Variants in ASCL2 observed in about 807,000 individuals in gnomAD.
The protein encoded by ASCL2 is achaete-scute homolog 2.
A neutral mutation model predicts 5.1 loss-of-function variants in ASCL2; 6 were observed. The ratio of observed to expected loss-of-function variants is 1.17; its 90% CI spans 0.64 to 2.31. The LOEUF is 2.31. Among genes scored for constraint, ASCL2 ranks in the 30% most tolerant of loss-of-function variants. The pLI is 0.00. For synonymous variants in ASCL2, 174 were observed against 157.3 expected (o/e 1.11, Z -0.80); for missense variants, 320 against 310.3 (o/e 1.03, Z -0.23).
In ASCL2 at chr11:2,270,278, C is replaced by T. The variant is rs1847234628; in HGVS notation, c.55G>A (p.Gly19Ser). 1 of 1,352,810 alleles carries T rather than the reference C, an allele frequency of 7.4e-7. No homozygotes were observed. The highest frequency in any genetic ancestry group is 9.4e-7 in the Non-Finnish European group (1 of 1,060,648). 83.8% of individuals were successfully genotyped at this position (1,352,810 alleles called of 1,614,324 possible). Reference sequence around the variant, plus strand: ...GCGGGTCTCCGCCGGGCAGCGCAGCCGACAGGGACGGGGGGCGCAGGGGGC... The same window carrying T: ...GCGGGTCTCCGCCGGGCAGCGCAGCTGACAGGGACGGGGGGCGCAGGGGGC... ...SAPPAPPVPV[G>S]CAARRRPASP... The change falls in exon 1 of 2, where the codon GGC becomes AGC. Residue 19 changes from glycine to serine, a missense_variant. Coordinates refer to ENST00000331289, the MANE Select transcript of ASCL2 (RefSeq NM_005170.3).
Position 2,270,009 on chromosome 11 carries a change from C to A in ASCL2, c.324G>T (p.Glu108Asp). The A allele has an allele frequency of 7.3e-7, 1 of 1,372,560 alleles. No homozygotes were observed. 85.0% of individuals were successfully genotyped at this position (1,372,560 alleles called of 1,614,324 possible). The change falls in exon 1 of 2, where the codon GAG (glutamate) becomes GAT (aspartate). Residue 108 changes from glutamate to aspartate, a missense_variant. Glu to Asp is a conservative substitution (Grantham distance 45). Transcript: ENST00000331289. ...CCAGCGCGTTGCGCACGGCGTCGTG[C>A]TCGGCCAGCAGGCGCTGCAGCGCGC... Reference protein sequence around the residue: ...YIRALQRLLAEHDAVRNALAG... With the variant: ...YIRALQRLLADHDAVRNALAG...
Position 2,270,220 on chromosome 11 carries a change from C to T in ASCL2, c.113G>A (p.Arg38Gln). ...TCCGGTCTCTGCGGTGGCCGGTCGC[C>T]GCCGCCGGCTGCAGCGCAACAGTTC... ...SPELLRCSRR[R>Q]RPATAETGGG... is the part of the protein sequence containing the mutation. The change falls in exon 1 of 2, where the codon CGG (arginine) becomes CAG (glutamine). Residue 38 changes from arginine (R) to glutamine (Q), a missense_variant. Coordinates refer to ENST00000331289, the MANE Select transcript of ASCL2 (RefSeq NM_005170.3). 1 of 1,452,544 alleles carries T rather than the reference C, an allele frequency of 6.9e-7. No individual in the cohort carries two copies. The highest frequency in any genetic ancestry group is 9.0e-7 in the Non-Finnish European group (1 of 1,109,492). The allele number at this position is 1,452,544 out of a possible 1,614,324, so 90.0% of individuals were successfully genotyped here. A position where few individuals can be genotyped will look rare whatever the true frequency, so the allele number is the denominator to read the frequency against.
At chr11:2,269,617 C>T (rs1332905967) in intron 1 of ASCL2, 116 bp downstream of exon 1, 3 of 950,402 alleles carry the variant, frequency 3.2e-6, no homozygotes, top group Non-Finnish European at 4.2e-6. Flanking sequence ...GAAGCCATCG[C>T]TCGGGCCTGG....
chr11:2,269,273 G>C (rs1054173596), intron 1 of ASCL2, 147 bp from the exon 2 acceptor site: 2 of 152,646 alleles, frequency 1.3e-5, no homozygotes, highest in African/African-American at 4.8e-5. Flanking sequence ...TTGAGTCCGT[G>C]GGTGCCGCGA....
intron 1 of ASCL2, 53 bp downstream of exon 1, chr11:2,269,680 G>GGGCCCC: frequency 1.3e-5 from 5 of 380,048 alleles, no homozygotes; most frequent in Non-Finnish European, 2.1e-5. Context: ...TGCCCACCCC[G>GGGCCCC]TCCCTCCACC....
In ASCL2 at chr11:2,270,012, G is replaced by A. The variant is rs1048384715; in HGVS notation, c.321C>T (p.Ala107=). 1.6e-4 allele frequency: 218 copies of A among 1,376,964 alleles called. No individual in the cohort carries two copies. The highest frequency in any genetic ancestry group is 2.0e-4 in the Non-Finnish European group (212 of 1,063,132). 85.3% of individuals were successfully genotyped at this position (1,376,964 alleles called of 1,614,324 possible). Residue 107 remains alanine, a synonymous_variant, in exon 1 of 2, where the codon GCC becomes GCT. Coordinates refer to ENST00000331289, the MANE Select transcript of ASCL2 (RefSeq NM_005170.3). ...GCGCGTTGCGCACGGCGTCGTGCTC[G>A]GCCAGCAGGCGCTGCAGCGCGCGGA... ...EYIRALQRLL[A]EHDAVRNALA...
Position 2,269,883 on chromosome 11 carries a change from C to G in ASCL2, c.450G>C (p.Pro150=). The change falls in exon 1 of 2, where the codon CCG becomes CCC. Residue 150 remains proline, a synonymous_variant. Transcript: ENST00000331289. ...AASPSRASSS[P]GRGGSSEPGS... ...CGGGCTCCGAGCTGCCCCCGCGGCCCGGGGACGAAGAAGCGCGGGAGGGCG... is the reference window on the plus strand; with the variant it reads ...CGGGCTCCGAGCTGCCCCCGCGGCCGGGGGACGAAGAAGCGCGGGAGGGCG... The G allele has an allele frequency of 7.5e-7, 1 of 1,325,660 alleles. No homozygotes were observed. Among genetic ancestry groups the G allele is most frequent in the Non-Finnish European group, 9.7e-7 (1 of 1,032,266 alleles). 82.1% of individuals were successfully genotyped at this position (1,325,660 alleles called of 1,614,324 possible). A position where few individuals can be genotyped will look rare whatever the true frequency, so the allele number is the denominator to read the frequency against.
Position 2,269,806 on chromosome 11 carries a change from A to T in ASCL2, c.527T>A (p.Leu176Gln). 1 of 1,434,528 alleles carries T rather than the reference A, an allele frequency of 7.0e-7. No individual in the cohort carries two copies. The highest frequency in any genetic ancestry group is 9.2e-7 in the Non-Finnish European group (1 of 1,087,430). The allele number at this position is 1,434,528 out of a possible 1,614,324, so 88.9% of individuals were successfully genotyped here. ...SSDDSGCEGA[L>Q]SPAERELLDF... Reference sequence around the variant, plus strand: ...GAGTAGCTCGCGCTCCGCAGGACTCAGCGCGCCTTCGCAGCCGCTGTCGTC... The same window carrying T: ...GAGTAGCTCGCGCTCCGCAGGACTCTGCGCGCCTTCGCAGCCGCTGTCGTC... The change falls in exon 1 of 2, where the codon CTG (leucine) becomes CAG (glutamine). Residue 176 changes from leucine (L) to glutamine (Q), a missense_variant. By Grantham distance (113) the Leu-to-Gln change is moderately radical. Transcript: ENST00000331289.
chr11:2,269,547 C>CA (rs1184671775), intron 1 of ASCL2, among the ~76,000 whole-genome samples, 186 bp downstream of exon 1: 1 of 152,176 alleles, frequency 6.6e-6, no homozygotes, highest in Non-Finnish European at 1.5e-5. Flanking sequence ...CCCGGACAAA[C>CA]AAACGCCGGT....
rs763712860 is a variant in ASCL2 at position 2,268,901 on chromosome 11, G to A, written c.*244C>T. On this transcript the variant is annotated 3_prime_UTR_variant, in exon 2 of 2. Coordinates refer to ENST00000331289, the MANE Select transcript of ASCL2 (RefSeq NM_005170.3). This position sits in a 1 kb window ranked among gnomAD's most constrained non-coding sequence, Gnocchi z 4.5. ...GCCCCACTGCAGTCGAGAAGCTGTG[G>A]GGAGGGGCGGCGTCGGAGGAAGCCG... 1.3e-5 allele frequency: 2 copies of A among 152,194 alleles called. No individual in the cohort carries two copies. The highest frequency in any genetic ancestry group is 2.9e-5 in the Non-Finnish European group (2 of 68,050). 9.4% of individuals were successfully genotyped at this position (152,194 alleles called of 1,614,324 possible). A position where few individuals can be genotyped will look rare whatever the true frequency, so the allele number is the denominator to read the frequency against.
chr11:2,269,776 A>G lies in ASCL2; in HGVS notation c.557T>C (p.Phe186Ser). 6.9e-7 allele frequency: 1 copy of G among 1,447,430 alleles called. No individual in the cohort carries two copies. The highest frequency in any genetic ancestry group is 9.1e-7 in the Non-Finnish European group (1 of 1,094,606). 89.7% of individuals were successfully genotyped at this position (1,447,430 alleles called of 1,614,324 possible). ...LSPAERELLD[F>S]SSWLGGY ...TCAGTAGCCCCCTAACCAGCTGGAG[A>G]AGTCGAGTAGCTCGCGCTCCGCAGG... is the stretch of plus-strand genomic sequence containing the variant. The change falls in exon 1 of 2, where the codon TTC becomes TCC. Residue 186 changes from phenylalanine to serine, a missense_variant. Transcript: ENST00000331289.
At position 2,270,528 on chromosome 11, in the gene ASCL2, C is replaced by A; in HGVS notation, c.-196G>T. On this transcript the variant is annotated 5_prime_UTR_variant, in exon 1 of 2. Transcript: ENST00000331289. ...GGAGGCCTAGTGGTGGCAGGCCGTA[C>A]GCGCCAGGGAGCGTGGGACGCTCGT... 1.9e-6 allele frequency: 2 copies of A among 1,056,276 alleles called. No individual in the cohort carries two copies. The highest frequency in any genetic ancestry group is 2.4e-6 in the Non-Finnish European group (2 of 817,512). 65.4% of individuals were successfully genotyped at this position (1,056,276 alleles called of 1,614,324 possible).
In ASCL2 at chr11:2,269,615, C is replaced by T. The variant is rs577073968; in HGVS notation, c.*18+118G>A. On this transcript the variant is annotated intron_variant, in intron 1 of 1. Coordinates refer to ENST00000331289, the MANE Select transcript of ASCL2 (RefSeq NM_005170.3). ...GAAGAGTGAGCGAAATCGAAGCCAT[C>T]GCTCGGGCCTGGCGCTCGGCTCCGC... 1.4e-3 allele frequency: 1,281 copies of T among 922,588 alleles called. 16 individuals are homozygous for T. In the African/African-American group the frequency reaches 0.019, roughly 13 times the overall value. 57.2% of individuals were successfully genotyped at this position (922,588 alleles called of 1,614,324 possible).
chr11:2,269,772 G>C lies in ASCL2; in HGVS notation c.561C>G (p.Ser187=). The C allele has an allele frequency of 6.9e-7, 1 of 1,446,926 alleles. No individual in the cohort carries two copies. The allele number at this position is 1,446,926 out of a possible 1,614,324, so 89.6% of individuals were successfully genotyped here. The change falls in exon 1 of 2, where the codon TCC becomes TCG. Residue 187 remains serine (S), a synonymous_variant. Coordinates refer to ENST00000331289, the MANE Select transcript of ASCL2 (RefSeq NM_005170.3). ...GCGCTCAGTAGCCCCCTAACCAGCT[G>C]GAGAAGTCGAGTAGCTCGCGCTCCG... ...SPAERELLDF[S]SWLGGY
intron 1 of ASCL2, among the ~76,000 whole-genome samples, chr11:2,269,360 T>C (rs1178864673): frequency 6.7e-6 from 1 of 149,162 alleles, no homozygotes; most frequent in East Asian, 2.2e-4. Flanking sequence ...CGCCGACTCA[T>C]TTCTGCCGCC....
rs1164478434 is a variant in ASCL2 at position 2,270,495 on chromosome 11, C to T, written c.-163G>A. ...CACGCGTCCTAGGTCGTCTGGAGCCCGGGGATAGGAGGCCTAGTGGTGGCA... is the reference window on the plus strand; with the variant it reads ...CACGCGTCCTAGGTCGTCTGGAGCCTGGGGATAGGAGGCCTAGTGGTGGCA... On this transcript the variant is annotated 5_prime_UTR_variant, in exon 1 of 2. Coordinates refer to ENST00000331289, the MANE Select transcript of ASCL2 (RefSeq NM_005170.3). 2 of 1,211,804 alleles carry T rather than the reference C, an allele frequency of 1.7e-6. No individual in the cohort carries two copies. Among genetic ancestry groups the T allele is most frequent in the Non-Finnish European group, 2.1e-6 (2 of 958,424 alleles). 75.1% of individuals were successfully genotyped at this position (1,211,804 alleles called of 1,614,324 possible). A position where few individuals can be genotyped will look rare whatever the true frequency, so the allele number is the denominator to read the frequency against.
chr11:2,269,610 G>A (rs1847224408), intron 1 of ASCL2, 123 bp downstream of exon 1: 1 of 843,594 alleles, frequency 1.2e-6, no homozygotes, highest in Non-Finnish European at 1.6e-6. Context: ...CGAAATCGAA[G>A]CCATCGCTCG....
chr11:2,269,302 G>GGGGGC (rs1847220684), intron 1 of ASCL2, among the ~76,000 whole-genome samples, 176 bp from the exon 2 acceptor site: 1 of 151,638 alleles, frequency 6.6e-6, no homozygotes, highest in African/African-American at 2.4e-5. Flanking sequence ...GAGACACGGC[G>GGGGGC]GGGGCGGGGC....
rs1034005196 is a variant in ASCL2 at position 2,268,654 on chromosome 11, C to G, written c.*491G>C. Reference sequence around the variant, plus strand: ...GGGACCCCGCCCCTCAGGGACTGCTCGTGTCCAGATCTTGGCCAGCATGGA... The same window carrying G: ...GGGACCCCGCCCCTCAGGGACTGCTGGTGTCCAGATCTTGGCCAGCATGGA... On this transcript the variant is annotated 3_prime_UTR_variant, in exon 2 of 2. Transcript: ENST00000331289. The surrounding 1 kb of genome is among the most constrained non-coding windows in gnomAD (Gnocchi z 4.5). The G allele has an allele frequency of 2.6e-5, 4 of 152,300 alleles. No individual in the cohort carries two copies. Among genetic ancestry groups the G allele is most frequent in the African/African-American group, 9.7e-5 (4 of 41,438 alleles). 9.4% of individuals were successfully genotyped at this position (152,300 alleles called of 1,614,324 possible).
Sources: allele counts gnomAD v4.1 joint callset (sites outside exome capture counted in the v4.1 genomes callset), GRCh38; gene constraint gnomAD v4.1.1; non-coding constraint Gnocchi (gnomAD v3.1); transcripts MANE v1.5; gene names NCBI Gene and HGNC (gene_info 2026-07-23, HGNC 2026-07-21).